Variants in THSD7B observed in about 807,000 individuals in gnomAD.
The protein encoded by THSD7B is thrombospondin type 1 domain containing 7B.
In THSD7B, 138 loss-of-function variants were observed where a neutral mutation model predicts 213.6. The ratio of observed to expected loss-of-function variants is 0.65; its 90% CI spans 0.56 to 0.74. THSD7B has a LOEUF of 0.74. Among genes scored for constraint, THSD7B ranks in the 30% least tolerant of loss-of-function variants. THSD7B has a pLI of 0.00. For missense variants in THSD7B, 1,931 were observed against 1,991.5 expected (o/e 0.97, Z 0.58); for synonymous variants, 742 against 687.0 (o/e 1.08, Z -1.25).
At chr2:137,523,374 G>C (rs1680222433) in intron 15 of THSD7B, among the ~76,000 whole-genome samples, 1 of 152,128 alleles carries the variant, frequency 6.6e-6, no homozygotes, top group Non-Finnish European at 1.5e-5. Flanking sequence ...ATTTGTTTTA[G>C]AGGTTAGGAG....
At chr2:137,082,531 A>G (rs1687764382) in intron 3 of THSD7B, among the ~76,000 whole-genome samples, 1 of 152,082 alleles carries the variant, frequency 6.6e-6, no homozygotes, top group Non-Finnish European at 1.5e-5. Flanking sequence ...GAGCTCTCAA[A>G]TATTTTAACT....
intron 15 of THSD7B, among the ~76,000 whole-genome samples, chr2:137,541,422 T>C (rs1680607996): frequency 6.6e-6 from 1 of 151,720 alleles, no homozygotes; most frequent in South Asian, 2.1e-4. Flanking sequence ...ATTTTATTTT[T>C]TAATTGACAA....
chr2:137,304,465 T>C (rs1019472177), intron 12 of THSD7B, among the ~76,000 whole-genome samples: 2 of 151,706 alleles, frequency 1.3e-5, no homozygotes, highest in Non-Finnish European at 2.9e-5. Context: ...GAAATAATAA[T>C]AGGGAAAGCT....
At chr2:137,106,802 A>G (rs1356831924) in intron 4 of THSD7B, among the ~76,000 whole-genome samples, 5 of 152,242 alleles carry the variant, frequency 3.3e-5, no homozygotes, top group Non-Finnish European at 1.5e-5. Flanking sequence ...GCTCATCGTC[A>G]CTGGTCATTA....
intron 2 of THSD7B, among the ~76,000 whole-genome samples, chr2:137,035,562 G>T (rs995827813): frequency 2.1e-4 from 31 of 144,686 alleles, no homozygotes; most frequent in African/African-American, 4.5e-4. Context: ...GTTTTGTTTT[G>T]TTTTTTTTTT....
At chr2:137,263,340 T>C (rs1052823215) in intron 10 of THSD7B, among the ~76,000 whole-genome samples, 4 of 152,068 alleles carry the variant, frequency 2.6e-5, no homozygotes, top group Non-Finnish European at 5.9e-5. Context: ...TAAGCATTCC[T>C]AACAGCTGTC....
rs141755367 is a variant in THSD7B, at chr2:137,061,099, G to A, written c.950+3869G>A. 6.7e-4 allele frequency among the ~76,000 whole-genome samples: 101 copies of A among 151,408 alleles called. 1 individual carries two copies. Among genetic ancestry groups the A allele is most frequent in the Admixed American group, 2.4e-3 (37 of 15,222 alleles). On this transcript the variant is annotated intron_variant, in intron 3 of 27. Coordinates refer to ENST00000409968, the MANE Select transcript of THSD7B (RefSeq NM_001316349.2). The stretch of plus-strand genomic sequence containing the variant: ...GATTTAGATTAATTTACCTTTTTTG[G>A]TGCTAACATAAATGGTATTGTGTTT...
intron 1 of THSD7B, among the ~76,000 whole-genome samples, chr2:136,801,863 G>A (rs1682188252): frequency 6.6e-6 from 1 of 152,052 alleles, no homozygotes; most frequent in African/African-American, 2.4e-5. Context: ...CTTCAGGGAA[G>A]GAAATGATAG....
chr2:137,459,989 A>G (rs530754914), intron 15 of THSD7B, among the ~76,000 whole-genome samples: 1 of 152,270 alleles, frequency 6.6e-6, no homozygotes, highest in East Asian at 1.9e-4. Context: ...ATTTCTTCTG[A>G]AGTCAGCCAT....
At chr2:137,364,984 C>G (rs1199003445) in intron 12 of THSD7B, among the ~76,000 whole-genome samples, 1 of 152,150 alleles carries the variant, frequency 6.6e-6, no homozygotes, top group Admixed American at 6.5e-5. Context: ...TACCTGACTT[C>G]AAACTATACT....
intron 1 of THSD7B, among the ~76,000 whole-genome samples, chr2:136,856,801 C>T (rs1573672188): frequency 6.6e-6 from 1 of 152,138 alleles, no homozygotes; most frequent in African/African-American, 2.4e-5. Context: ...CAGACATGAG[C>T]CACCACACCC....
intron 12 of THSD7B, among the ~76,000 whole-genome samples, chr2:137,320,051 A>C (rs1244564957): frequency 6.6e-6 from 1 of 152,198 alleles, no homozygotes; most frequent in Non-Finnish European, 1.5e-5. Context: ...TTGCTGTGTC[A>C]GCTTTGGAGC....
At chr2:136,989,620 T>C (rs138947083) in intron 2 of THSD7B, among the ~76,000 whole-genome samples, 116 of 152,280 alleles carry the variant, frequency 7.6e-4, no homozygotes, top group African/African-American at 2.7e-3. Context: ...TATTCCTTCA[T>C]GGCGCACAAA....
chr2:137,356,975 C>G lies in THSD7B; in HGVS notation c.2501-48638C>G, dbSNP rs868155762. Among the ~76,000 whole-genome samples the G allele has an allele frequency of 9.2e-3, 1,337 of 145,324 alleles. 22 individuals carry two copies. The highest frequency in any genetic ancestry group is 0.035 in the African/African-American group (1,287 of 37,150). ...ACACACACACACACACAGACACACA[C>G]ACACACACACACACACACACACACA... is the stretch of plus-strand genomic sequence containing the variant. On this transcript the variant is annotated intron_variant, in intron 12 of 27. Transcript: ENST00000409968.
chr2:136,987,024 C>G (rs762275205), intron 2 of THSD7B, among the ~76,000 whole-genome samples: 1 of 152,202 alleles, frequency 6.6e-6, no homozygotes, highest in Non-Finnish European at 1.5e-5. Context: ...TGGACACCTA[C>G]TTTGTGACAG....
chr2:137,284,202 A>G (rs1448590373), intron 12 of THSD7B, among the ~76,000 whole-genome samples: 2 of 152,160 alleles, frequency 1.3e-5, no homozygotes, highest in Admixed American at 1.3e-4. Context: ...TGTTTGTAGT[A>G]TTCTCTGATG....
At chr2:136,786,967 G>A (rs1275750804) in intron 1 of THSD7B, among the ~76,000 whole-genome samples, 1 of 152,134 alleles carries the variant, frequency 6.6e-6, no homozygotes, top group East Asian at 1.9e-4. Context: ...GGTTAATGGG[G>A]TGGCAGATTT....
intron 12 of THSD7B, among the ~76,000 whole-genome samples, chr2:137,311,475 T>C (rs146366933): frequency 0.15 from 22,982 of 152,066 alleles, 2,080 homozygotes; most frequent in Non-Finnish European, 0.2. Context: ...ACTTCCTCTT[T>C]TCCTAATTGA....
In THSD7B at chr2:137,655,734, A is replaced by T. The variant is rs575345474; in HGVS notation, c.4105+74A>T. On this transcript the variant is annotated intron_variant, in intron 22 of 27. Coordinates refer to ENST00000409968, the MANE Select transcript of THSD7B (RefSeq NM_001316349.2). ...TTATTTTACTACTGTTTTCCTAGAG[A>T]TGCTCTAGCTCATCAAAATTAAAGT... 4.0e-5 allele frequency: 59 copies of T among 1,458,048 alleles called. No individual in the cohort carries two copies. The African/African-American group carries it at 6.4e-4, about 16-fold the overall frequency. 90.3% of individuals were successfully genotyped at this position (1,458,048 alleles called of 1,614,324 possible). A position where few individuals can be genotyped will look rare whatever the true frequency, so the allele number is the denominator to read the frequency against.
Sources: gnomAD v4.1 joint callset for allele counts (sites outside exome capture counted in the v4.1 genomes callset) on GRCh38, gnomAD v4.1.1 for gene constraint, MANE v1.5 for transcripts, NCBI Gene and HGNC (gene_info 2026-07-23, HGNC 2026-07-21) for gene names.